Variants in VPS72 observed in about 807,000 individuals in gnomAD.
VPS72 encodes the protein vacuolar protein sorting-associated protein 72 homolog.
A neutral mutation model predicts 38.9 loss-of-function variants in VPS72; 27 were observed. The ratio of observed to expected loss-of-function variants is 0.69; its 90% confidence interval spans 0.51 to 0.96. The LOEUF is 0.96. Ranked by LOEUF, VPS72 falls within the 40% of genes least tolerant of loss-of-function variation. The pLI is 0.00. For missense variants in VPS72, 360 were observed against 479.5 expected (o/e 0.75, Z 2.33); for synonymous variants, 173 against 186.3 (o/e 0.93, Z 0.58).
chr1:151,189,463 T>C (rs1684416231), intron 1 of VPS72, among the ~76,000 whole-genome samples: 1 of 152,190 alleles, frequency 6.6e-6, no homozygotes, highest in Non-Finnish European at 1.5e-5. Flanking sequence ...CAAATTGAAA[T>C]ATGTTCTGTG....
At chr1:151,185,761 T>C in intron 2 of VPS72, 37 bp downstream of exon 2, 10 of 1,612,558 alleles carry the variant, frequency 6.2e-6, no homozygotes, top group Admixed American at 1.7e-5. Flanking sequence ...AGAATAGGAA[T>C]TGAGGAAATC....
intron 1 of VPS72, among the ~76,000 whole-genome samples, 160 bp downstream of exon 1, chr1:151,189,845 T>C (rs1572098115): frequency 6.6e-6 from 1 of 151,288 alleles, no homozygotes; most frequent in African/African-American, 2.4e-5. Flanking sequence ...CACTATCCGT[T>C]CCCCCGCCTC....
At chr1:151,187,232 G>A (rs1684371922) in intron 1 of VPS72, among the ~76,000 whole-genome samples, 1 of 152,014 alleles carries the variant, frequency 6.6e-6, no homozygotes, top group African/African-American at 2.4e-5. Flanking sequence ...GCCACTTGAG[G>A]GAGAGGGAGT....
chr1:151,186,652 G>A (rs1309752089), intron 1 of VPS72, among the ~76,000 whole-genome samples: 2 of 152,108 alleles, frequency 1.3e-5, no homozygotes, highest in Non-Finnish European at 2.9e-5. Flanking sequence ...AAGGAATCAT[G>A]GGCAGATGAA....
chr1:151,189,913 T>C (rs1684428560), intron 1 of VPS72, 92 bp downstream of exon 1: 4 of 1,447,672 alleles, frequency 2.8e-6, no homozygotes, highest in Admixed American at 3.6e-5. Context: ...AGCTCCTCTC[T>C]ATTCCCCGCC....
chr1:151,181,380 A>T (rs1684237648), intron 4 of VPS72, among the ~76,000 whole-genome samples: 1 of 151,706 alleles, frequency 6.6e-6, no homozygotes, highest in Non-Finnish European at 1.5e-5. Flanking sequence ...AGTAGCCAGG[A>T]CTACAGGCAC....
intron 3 of VPS72, 28 bp from the exon 4 acceptor site, chr1:151,184,521 C>A: frequency 6.4e-7 from 1 of 1,554,022 alleles, no homozygotes; most frequent in Non-Finnish European, 8.7e-7. Context: ...AAGAAGAAAT[C>A]TTTGAATTCA....
At chr1:151,187,630 A>G (rs1282965320) in intron 1 of VPS72, among the ~76,000 whole-genome samples, 1 of 152,228 alleles carries the variant, frequency 6.6e-6, no homozygotes, top group African/African-American at 2.4e-5. Context: ...TATATCATCT[A>G]TGAAAACCAT....
intron 1 of VPS72, among the ~76,000 whole-genome samples, chr1:151,186,578 A>G (rs1684354687): frequency 6.6e-6 from 1 of 151,932 alleles, no homozygotes; most frequent in Non-Finnish European, 1.5e-5. Flanking sequence ...AAAAAAAAAA[A>G]GGATGAAGAG....
intron 1 of VPS72, among the ~76,000 whole-genome samples, chr1:151,187,697 A>C (rs902063099): frequency 1.3e-5 from 2 of 152,194 alleles, no homozygotes; most frequent in African/African-American, 4.8e-5. Context: ...TAAGGCTGAA[A>C]AAGTTTGTGT....
At chr1:151,180,526 C>T (rs1314983935) in intron 4 of VPS72, among the ~76,000 whole-genome samples, 1 of 151,882 alleles carries the variant, frequency 6.6e-6, no homozygotes, top group South Asian at 2.1e-4. Flanking sequence ...CAACCTCCCC[C>T]TCCCAGGTTC....
At chr1:151,181,999 A>G (rs1461280159) in intron 4 of VPS72, among the ~76,000 whole-genome samples, 1 of 151,890 alleles carries the variant, frequency 6.6e-6, no homozygotes, top group East Asian at 1.9e-4. Flanking sequence ...GATTACAGGC[A>G]TGAGCCACTG....
chr1:151,178,896 G>A (rs1047002347), intron 4 of VPS72, among the ~76,000 whole-genome samples: 4 of 152,152 alleles, frequency 2.6e-5, no homozygotes, highest in Non-Finnish European at 5.9e-5. Flanking sequence ...TCCTCCTTAA[G>A]GGCAGTGACT....
At chr1:151,189,645 T>C (rs1684420766) in intron 1 of VPS72, among the ~76,000 whole-genome samples, 1 of 152,160 alleles carries the variant, frequency 6.6e-6, no homozygotes, top group Non-Finnish European at 1.5e-5. Flanking sequence ...CCAACGAGTA[T>C]ACATCGAGCA....
rs1553279390 is a variant in VPS72 at position 151,185,775 on chromosome 1, G to A, written c.270+23C>T. ...GAGAATAGGAATTGAGGAAATCCAA[G>A]ACAACTAGGACTCCCCCTGTACCTT... On this transcript the variant is annotated intron_variant, in intron 2 of 5. Transcript: ENST00000368892. 3.1e-6 allele frequency: 5 copies of A among 1,612,996 alleles called. No individual in the cohort carries two copies. The East Asian group carries it at 6.7e-5, about 22-fold the overall frequency.
At chr1:151,185,277 C>G (rs146521707) in intron 3 of VPS72, among the ~76,000 whole-genome samples, 1 of 152,042 alleles carries the variant, frequency 6.6e-6, no homozygotes, top group Non-Finnish European at 1.5e-5. Flanking sequence ...AGGGGCCCAC[C>G]ACCACACCTG....
In VPS72 at chr1:151,185,488, C is replaced by A. The variant is rs1473003782; in HGVS notation, c.385+18G>T. ...TTATATTCCAATTTTGCCAATTGAC[C>A]CTAACATCCCTACTCACTGTCAGAG... On this transcript the variant is annotated intron_variant, in intron 3 of 5. Coordinates refer to ENST00000368892, the MANE Select transcript of VPS72 (RefSeq NM_005997.3). 6.2e-7 allele frequency: 1 copy of A among 1,611,582 alleles called. No homozygotes were observed. The highest frequency in any genetic ancestry group is 1.1e-5 in the South Asian group (1 of 90,984).
chr1:151,185,433 T>C, intron 3 of VPS72, 73 bp downstream of exon 3: 1 of 1,479,210 alleles, frequency 6.8e-7, no homozygotes, highest in South Asian at 1.1e-5. Flanking sequence ...GCAACATCAG[T>C]AAATTTAACA....
At position 151,190,155 on chromosome 1, in the gene VPS72, C is replaced by T. The variant is rs1039010256; in HGVS notation, c.-34G>A. 2 of 1,608,190 alleles carry T rather than the reference C, an allele frequency of 1.2e-6. No individual in the cohort carries two copies. The highest frequency in any genetic ancestry group is 1.7e-5 in the Admixed American group (1 of 59,812). ...CCGAGACTGCGCCGCCACCTGCAGC[C>T]CCTCACCAGCTCGGTTTTGGGAGCT... On this transcript the variant is annotated 5_prime_UTR_variant, in exon 1 of 6. Coordinates refer to ENST00000368892, the MANE Select transcript of VPS72 (RefSeq NM_005997.3).
Sources: allele counts gnomAD v4.1 joint callset (sites outside exome capture counted in the v4.1 genomes callset), GRCh38; gene constraint gnomAD v4.1.1; transcripts MANE v1.5; gene names NCBI Gene and HGNC (gene_info 2026-07-23, HGNC 2026-07-21).